The following PTPRN2 variants were observed in gnomAD, a reference collection of about 807,000 sequenced individuals.
PTPRN2 encodes protein tyrosine phosphatase receptor type N2.
A neutral mutation model predicts 118.8 loss-of-function variants in PTPRN2; 74 were observed. The observed-to-expected ratio is 0.62, with a 90% CI of 0.52 to 0.76. The LOEUF (loss-of-function observed/expected upper bound fraction) is 0.76. Among genes scored for constraint, PTPRN2 ranks in the 30% least tolerant of loss-of-function variants. The pLI is 0.00. For synonymous variants in PTPRN2, 641 were observed against 608.0 expected, an observed-to-expected ratio of 1.05 and a Z score of -0.80; for missense variants, 1,481 against 1,394.4, an observed-to-expected ratio of 1.06 and a Z score of -0.99.
rs567168909 is a variant in PTPRN2, at chr7:158,436,878, T to C, written c.163+52857A>G. On this transcript the variant is annotated intron_variant, in intron 2 of 22. Transcript: ENST00000389418. ...TAGAGTGATGTTCAGAGGTAGGGTT[T>C]TCTTTGTGTTCATTCTGTGAGGTTG... Among the ~76,000 whole-genome samples, 3 of 152,286 alleles carry C rather than the reference T, an allele frequency of 2.0e-5. No individual in the cohort carries two copies. The South Asian group carries it at 6.3e-4, about 32-fold the overall frequency.
At position 157,540,565 on chromosome 7, in the gene PTPRN2, C is replaced by T; in HGVS notation, c.*149G>A. On this transcript the variant is annotated 3_prime_UTR_variant, in exon 23 of 23. Coordinates refer to ENST00000389418, the MANE Select transcript of PTPRN2 (RefSeq NM_002847.5). ...TATTGTTTGATTAAACAAAAATACA[C>T]TTTTAACTGCTAAACTGCGCTGACT... 1 of 524,626 alleles carries T rather than the reference C, an allele frequency of 1.9e-6. No homozygotes were observed. Among genetic ancestry groups the T allele is most frequent in the Non-Finnish European group, 3.2e-6 (1 of 313,694 alleles). 32.5% of individuals were successfully genotyped at this position (524,626 alleles called of 1,614,324 possible).
chr7:158,084,376 C>T (rs763505917), intron 10 of PTPRN2, among the ~76,000 whole-genome samples: 2 of 151,778 alleles, frequency 1.3e-5, no homozygotes, highest in East Asian at 1.9e-4. Context: ...GTGAGGTCAG[C>T]CTTCCCACCA....
In PTPRN2 at chr7:157,783,424, G is replaced by A. The variant is rs1173794255; in HGVS notation, c.1789-100487C>T. On this transcript the variant is annotated intron_variant, in intron 12 of 22. Coordinates refer to ENST00000389418, the MANE Select transcript of PTPRN2 (RefSeq NM_002847.5). The stretch of plus-strand genomic sequence containing the variant: ...CCATCCATACCTAGGAAGGTTCATC[G>A]AACGCATGTCTGAGCCTGATGTTCC... Among the ~76,000 whole-genome samples the A allele has an allele frequency of 4.0e-5, 6 of 150,974 alleles. No individual in the cohort carries two copies. In the East Asian group the frequency reaches 5.9e-4, roughly 15 times the overall value.
At chr7:157,834,912 T>C (rs149982826) in intron 12 of PTPRN2, among the ~76,000 whole-genome samples, 205 of 152,286 alleles carry the variant, frequency 1.3e-3, no homozygotes, top group African/African-American at 4.8e-3. Context: ...CTGTGAACAT[T>C]GACCTGTCCG....
At chr7:157,730,782 C>T (rs565694384) in intron 12 of PTPRN2, among the ~76,000 whole-genome samples, 2 of 152,310 alleles carry the variant, frequency 1.3e-5, no homozygotes, top group East Asian at 1.9e-4. Context: ...TCTGTGGCCC[C>T]GGGGCTGCTC....
At chr7:158,521,609 A>C (rs60327528) in intron 1 of PTPRN2, among the ~76,000 whole-genome samples, 1 of 45,748 alleles carries the variant, frequency 2.2e-5, no homozygotes, top group Non-Finnish European at 4.2e-5. Flanking sequence ...TGGACTGTCC[A>C]GGTAGTGGCT....
At chr7:158,196,947 A>G (rs1826256252) in intron 4 of PTPRN2, among the ~76,000 whole-genome samples, 1 of 152,192 alleles carries the variant, frequency 6.6e-6, no homozygotes, top group African/African-American at 2.4e-5. Context: ...AGGGATATGA[A>G]CAGCCCAGGC....
At position 157,801,672 on chromosome 7, in the gene PTPRN2, C is replaced by T. The variant is rs575257853; in HGVS notation, c.1788+97001G>A. Among the ~76,000 whole-genome samples, 1 of 152,266 alleles carries T rather than the reference C, an allele frequency of 6.6e-6. No individual in the cohort carries two copies. Among genetic ancestry groups the T allele is most frequent in the East Asian group, 1.9e-4 (1 of 5,176 alleles). On this transcript the variant is annotated intron_variant, in intron 12 of 22. Coordinates refer to ENST00000389418, the MANE Select transcript of PTPRN2 (RefSeq NM_002847.5). This position sits in a 1 kb window ranked among gnomAD's most constrained non-coding sequence, Gnocchi z 4.2. Reference sequence around the variant, plus strand: ...TTTCTCTAGGGAAAAATTTGATGGGCACGCTATGATTTATTGCCAAATGAT... The same window carrying T: ...TTTCTCTAGGGAAAAATTTGATGGGTACGCTATGATTTATTGCCAAATGAT...
At position 157,764,827 on chromosome 7, in the gene PTPRN2, A is replaced by T. The variant is rs535554436; in HGVS notation, c.1789-81890T>A. ...TTGTCTGTCCTACAGCTGGGAAATG[A>T]TCCATCCTGCCATTCATCCATCCAT... On this transcript the variant is annotated intron_variant, in intron 12 of 22. Coordinates refer to ENST00000389418, the MANE Select transcript of PTPRN2 (RefSeq NM_002847.5). This position sits in a 1 kb window ranked among gnomAD's most constrained non-coding sequence, Gnocchi z 4.5. Among the ~76,000 whole-genome samples the T allele has an allele frequency of 6.6e-6, 1 of 152,198 alleles. No homozygotes were observed. The highest frequency in any genetic ancestry group is 1.9e-4 in the East Asian group (1 of 5,186).
chr7:158,579,950 C>A (rs916314730), intron 1 of PTPRN2, among the ~76,000 whole-genome samples: 6 of 152,232 alleles, frequency 3.9e-5, no homozygotes, highest in African/African-American at 1.4e-4. Context: ...CAGTGCAGAA[C>A]ACTCAAATCA....
Position 157,779,611 on chromosome 7 carries a change from C to T in PTPRN2, c.1789-96674G>A, listed in dbSNP as rs999162388. Among the ~76,000 whole-genome samples the T allele has an allele frequency of 4.6e-5, 7 of 152,182 alleles. No individual in the cohort carries two copies. The highest frequency in any genetic ancestry group is 1.7e-4 in the African/African-American group (7 of 41,440). On this transcript the variant is annotated intron_variant, in intron 12 of 22. Coordinates refer to ENST00000389418, the MANE Select transcript of PTPRN2 (RefSeq NM_002847.5). The surrounding 1 kb of genome is among the most constrained non-coding windows in gnomAD (Gnocchi z 4.7). ...CCTTCTCTGTCTAAATAACTTGCTTCTCACCCTGCTGCAGGAGTCTCCGAA... is the reference window on the plus strand; with the variant it reads ...CCTTCTCTGTCTAAATAACTTGCTTTTCACCCTGCTGCAGGAGTCTCCGAA...
intron 3 of PTPRN2, among the ~76,000 whole-genome samples, chr7:158,222,200 T>C (rs1208458342): frequency 1.3e-5 from 2 of 152,142 alleles, no homozygotes; most frequent in East Asian, 3.9e-4. Context: ...AGAACTACCA[T>C]TCGACCCAGC....
At chr7:157,718,562 C>G (rs1799050266) in intron 12 of PTPRN2, among the ~76,000 whole-genome samples, 1 of 151,502 alleles carries the variant, frequency 6.6e-6, no homozygotes, top group Admixed American at 6.6e-5. Context: ...ACTGCAGCCT[C>G]TCTCCGTGGC....
At chr7:158,224,476 C>A (rs1488370612) in intron 3 of PTPRN2, among the ~76,000 whole-genome samples, 1 of 152,098 alleles carries the variant, frequency 6.6e-6, no homozygotes, top group Non-Finnish European at 1.5e-5. Context: ...GATGCATAAA[C>A]AATTTAATGG....
intron 10 of PTPRN2, among the ~76,000 whole-genome samples, chr7:158,097,124 T>A (rs1050143747): frequency 3.3e-5 from 5 of 152,094 alleles, no homozygotes; most frequent in Non-Finnish European, 7.4e-5. Context: ...GGGACAAGAC[T>A]AGGGGCAAAA....
chr7:158,209,184 G>T (rs915835394), intron 3 of PTPRN2, among the ~76,000 whole-genome samples: 4 of 150,730 alleles, frequency 2.7e-5, no homozygotes, highest in Non-Finnish European at 5.9e-5. Context: ...TAACAAAATG[G>T]CAAGAGTAAG....
intron 11 of PTPRN2, among the ~76,000 whole-genome samples, chr7:158,012,146 T>C (rs2082734): frequency 0.79 from 120,068 of 152,120 alleles, 47,420 homozygotes; most frequent in East Asian, 0.81. Context: ...TCCCACGTGT[T>C]GGGGGCAAGA....
intron 17 of PTPRN2, among the ~76,000 whole-genome samples, chr7:157,579,814 T>C (rs986389736): frequency 3.3e-5 from 5 of 152,220 alleles, no homozygotes; most frequent in African/African-American, 7.2e-5. Context: ...GAGGGGAATT[T>C]ACTAAATCAA....
intron 15 of PTPRN2, among the ~76,000 whole-genome samples, chr7:157,614,266 G>C (rs1043970022): frequency 6.6e-6 from 1 of 152,014 alleles, no homozygotes; most frequent in Admixed American, 6.5e-5. Flanking sequence ...GCATCGTGGA[G>C]ACCTGTACAC....
Sources: allele counts gnomAD v4.1 joint callset (sites outside exome capture counted in the v4.1 genomes callset), GRCh38; gene constraint gnomAD v4.1.1; non-coding constraint Gnocchi (gnomAD v3.1); transcripts MANE v1.5; gene names NCBI Gene and HGNC (gene_info 2026-07-23, HGNC 2026-07-21).